NAT1: variants seen among roughly 807,000 people sequenced by gnomAD.
The protein encoded by NAT1 is arylamine N-acetyltransferase 1.
For synonymous variants in NAT1, 144 were observed against 122.6 expected, an observed-to-expected ratio of 1.17 and a Z score of -1.16; for missense variants, 400 against 339.2, an observed-to-expected ratio of 1.18 and a Z score of -1.41.
At chr8:18,197,739 G>C (rs938059011) in intron 2 of NAT1, among the ~76,000 whole-genome samples, 1 of 152,130 alleles carries the variant, frequency 6.6e-6, no homozygotes, top group Non-Finnish European at 1.5e-5. Context: ...TCTCAGTTTA[G>C]GAGTAAATAT....
At chr8:18,211,290 G>C (rs1804076937) in intron 1 of NAT1, 1 of 152,244 alleles carries the variant, frequency 6.6e-6, no homozygotes, top group Non-Finnish European at 1.5e-5. Context: ...GGCCCAACAG[G>C]CTTTCTACCC....
intron 1 of NAT1, among the ~76,000 whole-genome samples, chr8:18,217,373 T>C (rs542818915): frequency 2.5e-4 from 38 of 152,362 alleles, no homozygotes; most frequent in African/African-American, 8.7e-4. Flanking sequence ...CAGCTGAAGT[T>C]TGTCTTCAGA....
intron 2 of NAT1, among the ~76,000 whole-genome samples, chr8:18,174,020 G>T (rs1410204805): frequency 1.3e-5 from 2 of 152,156 alleles, no homozygotes; most frequent in Admixed American, 6.6e-5. Flanking sequence ...GACAGAGCTT[G>T]TTGATGTGTG....
intron 2 of NAT1, among the ~76,000 whole-genome samples, chr8:18,202,687 G>C (rs534186827): frequency 6.6e-6 from 1 of 152,008 alleles, no homozygotes; most frequent in African/African-American, 2.4e-5. Context: ...TGGTGGGTTC[G>C]TGGTCTCGCT....
chr8:18,189,009 A>AAAAAAAAAG (rs1329509282), intron 2 of NAT1, among the ~76,000 whole-genome samples: 159 of 149,188 alleles, frequency 1.1e-3, no homozygotes, highest in Non-Finnish European at 1.5e-3. Context: ...AAAAAAAAAA[A>AAAAAAAAAG]AAAGAAAGAA....
Position 18,179,028 on chromosome 8 carries a change from T to G in NAT1, n.92+8289T>G, listed in dbSNP as rs190236832. ...CTTCTTGTTCCTGCGTGCCTTTAAT[T>G]AGTCAACATTTATCCCTCTATATTC... On this transcript the variant is annotated intron_variant and non_coding_transcript_variant, in intron 2 of 4. Transcript: ENST00000517441. Among the ~76,000 whole-genome samples the G allele has an allele frequency of 2.0e-5, 3 of 152,268 alleles. No homozygotes were observed. The East Asian group carries it at 5.8e-4, about 29-fold the overall frequency.
chr8:18,197,714 G>C (rs1285052375), intron 2 of NAT1, among the ~76,000 whole-genome samples: 1 of 152,034 alleles, frequency 6.6e-6, no homozygotes, highest in Non-Finnish European at 1.5e-5. Context: ...TTTTATTCAG[G>C]GAAGGGCACC....
chr8:18,211,947 T>G (rs1804150482), intron 1 of NAT1, among the ~76,000 whole-genome samples: 1 of 152,204 alleles, frequency 6.6e-6, no homozygotes, highest in Non-Finnish European at 1.5e-5. Flanking sequence ...CAGTCCACAA[T>G]TGTACTTGTG....
At chr8:18,217,538 A>T (rs573250413) in intron 1 of NAT1, among the ~76,000 whole-genome samples, 4 of 152,336 alleles carry the variant, frequency 2.6e-5, no homozygotes, top group African/African-American at 9.6e-5. Flanking sequence ...GTATTTGGGA[A>T]AAGTAAGTGG....
intron 1 of NAT1, among the ~76,000 whole-genome samples, chr8:18,216,317 T>C (rs1022131796): frequency 4.6e-5 from 7 of 152,100 alleles, no homozygotes; most frequent in Non-Finnish European, 1.0e-4. Flanking sequence ...CCTGAGTAGG[T>C]TAAATATCCT....
In NAT1 at chr8:18,222,975, T is replaced by G; in HGVS notation, c.*55T>G. Reference sequence around the variant, plus strand: ...GTCATCCAGCTCACCAGTTATCAACTGACGACCTATCATGTATCTTCTGTA... The same window carrying G: ...GTCATCCAGCTCACCAGTTATCAACGGACGACCTATCATGTATCTTCTGTA... On this transcript the variant is annotated 3_prime_UTR_variant, in exon 3 of 3. Transcript: ENST00000307719. 1 of 1,442,934 alleles carries G rather than the reference T, an allele frequency of 6.9e-7. No homozygotes were observed. The highest frequency in any genetic ancestry group is 2.3e-5 in the East Asian group (1 of 42,952). 89.4% of individuals were successfully genotyped at this position (1,442,934 alleles called of 1,614,324 possible).
chr8:18,220,500 G>A (rs8190838), intron 2 of NAT1, among the ~76,000 whole-genome samples: 2,756 of 152,128 alleles, frequency 0.018, 49 homozygotes, highest in Middle Eastern at 0.085. Context: ...AAAGGTTAAG[G>A]CTCTATGATG....
intron 2 of NAT1, among the ~76,000 whole-genome samples, chr8:18,185,660 A>G (rs1055539608): frequency 2.6e-5 from 4 of 151,744 alleles, no homozygotes; most frequent in African/African-American, 7.3e-5. Flanking sequence ...TATTCTTTTC[A>G]TTCATTCTTC....
rs138770820 is a variant in NAT1 at position 18,175,994 on chromosome 8, T to C, written n.92+5255T>C. Among the ~76,000 whole-genome samples, 8 of 152,256 alleles carry C rather than the reference T, an allele frequency of 5.3e-5. No homozygotes were observed. The East Asian group carries it at 1.5e-3, about 29-fold the overall frequency. ...GCATTTTTCATGTATCTGTTAGCCA[T>C]TCCTTTCTGTTATTTTGAGAAATGC... On this transcript the variant is annotated intron_variant and non_coding_transcript_variant, in intron 2 of 4. Transcript: ENST00000517441.
At chr8:18,171,581 C>T (rs1317726351) in intron 2 of NAT1, among the ~76,000 whole-genome samples, 4 of 152,024 alleles carry the variant, frequency 2.6e-5, no homozygotes, top group Non-Finnish European at 5.9e-5. Flanking sequence ...TGTTGAAAAC[C>T]TCTTACATTT....
chr8:18,185,441 T>C (rs1802694748), intron 2 of NAT1, among the ~76,000 whole-genome samples: 1 of 152,166 alleles, frequency 6.6e-6, no homozygotes, highest in South Asian at 2.1e-4. Flanking sequence ...GCCATAATAC[T>C]GGTCATAATG....
intron 2 of NAT1, among the ~76,000 whole-genome samples, chr8:18,220,412 A>G (rs1406766042): frequency 2.0e-5 from 3 of 152,198 alleles, no homozygotes; most frequent in African/African-American, 4.8e-5. Flanking sequence ...CCCTTTGTAC[A>G]AGGTCATCCT....
chr8:18,188,989 C>T (rs200557840), intron 2 of NAT1, among the ~76,000 whole-genome samples: 21 of 19,340 alleles, frequency 1.1e-3, no homozygotes, highest in Non-Finnish European at 2.6e-3. Context: ...AGAGAGACTC[C>T]GACTCAAAAA....
chr8:18,181,354 A>G (rs185061442), intron 2 of NAT1, among the ~76,000 whole-genome samples: 241 of 152,302 alleles, frequency 1.6e-3, no homozygotes, highest in Middle Eastern at 6.8e-3. Context: ...CTATCAAAAT[A>G]ACCATGACAT....
Sources: allele counts gnomAD v4.1 joint callset (sites outside exome capture counted in the v4.1 genomes callset), GRCh38; gene constraint gnomAD v4.1.1; transcripts MANE v1.5; gene names NCBI Gene and HGNC (gene_info 2026-07-23, HGNC 2026-07-21).